SIK2: variants seen among roughly 807,000 people sequenced by gnomAD.
The protein encoded by SIK2 is salt inducible kinase 2, also known as serine/threonine-protein kinase SIK2.
Under a neutral mutation model 103.2 loss-of-function variants are expected in SIK2, and 29 were observed. That is an observed-to-expected ratio of 0.28 (90% CI 0.21 to 0.38). The LOEUF (loss-of-function observed/expected upper bound fraction) is 0.38, where lower values mean the gene tolerates loss of function less well. Ranked by LOEUF, SIK2 falls within the 10% of genes least tolerant of loss-of-function variation. The pLI, the probability that SIK2 is intolerant of heterozygous loss-of-function variation, is 1.00. For synonymous variants in SIK2, 412 were observed against 446.1 expected, an observed-to-expected ratio of 0.92 and a Z score of 0.96; for missense variants, 879 against 1,171.0, an observed-to-expected ratio of 0.75 and a Z score of 3.64.
Position 111,618,985 on chromosome 11 carries a change from G to A in SIK2, c.253-1354G>A, listed in dbSNP as rs144227176. Among the ~76,000 whole-genome samples, 76 of 152,136 alleles carry A rather than the reference G, an allele frequency of 5.0e-4. 1 individual carries two copies. The East Asian group carries it at 0.014, about 28-fold the overall frequency. ...TTCTGGGCTCAAGTGAGCCTCCCAC[G>A]TTGGCCTCTCAAAGTGCTGGGATTA... On this transcript the variant is annotated intron_variant, in intron 2 of 14. Coordinates refer to ENST00000304987, the MANE Select transcript of SIK2 (RefSeq NM_015191.3).
rs1054014638 is a variant in SIK2, at chr11:111,722,513, T to C, written c.2056-152T>C. ...CCAGGCCTGCGGGCCCGATGCTCTT[T>C]CAGGGTCTCAGGGAGTAAATGTCAG... On this transcript the variant is annotated intron_variant, in intron 13 of 14. Coordinates refer to ENST00000304987, the MANE Select transcript of SIK2 (RefSeq NM_015191.3). This position sits in a 1 kb window ranked among gnomAD's most constrained non-coding sequence, Gnocchi z 4.4. The C allele has an allele frequency of 4.9e-5, 35 of 708,032 alleles. No individual in the cohort carries two copies. In the South Asian group the frequency reaches 5.1e-4, roughly 10 times the overall value. 43.9% of individuals were successfully genotyped at this position (708,032 alleles called of 1,614,324 possible). A position where few individuals can be genotyped will look rare whatever the true frequency, so the allele number is the denominator to read the frequency against.
Position 111,723,746 on chromosome 11 carries a change from C to G in SIK2, c.2398C>G (p.Gln800Glu). The change falls in exon 15 of 15, where the codon CAG becomes GAG. Residue 800 changes from glutamine (Q) to glutamate (E), a missense_variant. Coordinates refer to ENST00000304987, the MANE Select transcript of SIK2 (RefSeq NM_015191.3). ...CAGCCAGTACCAAGAGATGCAGCTT[C>G]AGCCCCTGCCCTCCACTTCCGGTCC... ...FLSQYQEMQL[Q>E]PLPSTSGPRA... 1 of 1,614,132 alleles carries G rather than the reference C, an allele frequency of 6.2e-7. No individual in the cohort carries two copies. Among genetic ancestry groups the G allele is most frequent in the South Asian group, 1.1e-5 (1 of 91,080 alleles).
intron 3 of SIK2, among the ~76,000 whole-genome samples, chr11:111,668,891 G>A (rs1048532714): frequency 2.6e-5 from 4 of 152,180 alleles, no homozygotes; most frequent in African/African-American, 4.8e-5. Flanking sequence ...AGAGTTGAAA[G>A]GATTTGTTGA....
intron 3 of SIK2, chr11:111,671,818 C>T: frequency 2.5e-6 from 1 of 402,904 alleles, no homozygotes; most frequent in Non-Finnish European, 4.8e-6. Context: ...ATTCGTTTTC[C>T]TTCTCTGTAT....
intron 1 of SIK2, among the ~76,000 whole-genome samples, chr11:111,603,781 G>C (rs1292460998): frequency 6.6e-6 from 1 of 152,130 alleles, no homozygotes; most frequent in African/African-American, 2.4e-5. Flanking sequence ...TCCTTTTCCT[G>C]TTTGTTTGCC....
intron 1 of SIK2, among the ~76,000 whole-genome samples, chr11:111,608,825 C>T (rs1399256912): frequency 6.6e-6 from 1 of 152,106 alleles, no homozygotes; most frequent in Non-Finnish European, 1.5e-5. Flanking sequence ...CAATGGAATT[C>T]TTGGGTCAAG....
chr11:111,606,080 C>T (rs2135827250), intron 1 of SIK2, among the ~76,000 whole-genome samples: 1 of 152,212 alleles, frequency 6.6e-6, no homozygotes, highest in Non-Finnish European at 1.5e-5. Flanking sequence ...TGCTTGTTTG[C>T]TATTCAGTGA....
At chr11:111,676,215 T>C (rs1025819377) in intron 3 of SIK2, among the ~76,000 whole-genome samples, 11 of 152,238 alleles carry the variant, frequency 7.2e-5, no homozygotes, top group African/African-American at 2.7e-4. Flanking sequence ...TAGTGTGTAA[T>C]GAATATACAC....
chr11:111,634,350 G>A (rs1040916719), intron 3 of SIK2, among the ~76,000 whole-genome samples: 1 of 152,136 alleles, frequency 6.6e-6, no homozygotes, highest in Non-Finnish European at 1.5e-5. Context: ...CAGCCTGAAG[G>A]TAGTACTAGG....
intron 3 of SIK2, among the ~76,000 whole-genome samples, chr11:111,644,268 A>G (rs1000558345): frequency 4.1e-5 from 6 of 147,948 alleles, no homozygotes; most frequent in Non-Finnish European, 1.5e-5. Flanking sequence ...CAGCCTGGCG[A>G]CAGAGCGAGA....
At chr11:111,654,747 C>T (rs544418120) in intron 3 of SIK2, among the ~76,000 whole-genome samples, 1 of 152,308 alleles carries the variant, frequency 6.6e-6, no homozygotes, top group Non-Finnish European at 1.5e-5. Flanking sequence ...GCCTCTTCTC[C>T]TCAGTCTTAA....
intron 3 of SIK2, among the ~76,000 whole-genome samples, chr11:111,673,837 G>A (rs1054015254): frequency 6.6e-6 from 1 of 152,142 alleles, no homozygotes; most frequent in Non-Finnish European, 1.5e-5. Flanking sequence ...CATTTGGGAG[G>A]CCAAGGCAGG....
Position 111,705,290 on chromosome 11 carries a change from GT to G in SIK2, c.1101+155del. On this transcript the variant is annotated intron_variant, in intron 8 of 14. Transcript: ENST00000304987. The surrounding 1 kb of genome is among the most constrained non-coding windows in gnomAD (Gnocchi z 4.3). ...CCTGCCATTCACTAGATTCTCAAAT[GT>G]TTTAGCACTTCCTCATTTTTAAGGG... 2.7e-6 allele frequency: 2 copies of G among 732,638 alleles called. No individual in the cohort carries two copies. The highest frequency in any genetic ancestry group is 3.9e-6 in the Non-Finnish European group (2 of 510,910). The allele number at this position is 732,638 out of a possible 1,614,324, so 45.4% of individuals were successfully genotyped here.
rs1230760091 is a variant in SIK2, at chr11:111,730,123, A to ATAAC, written c.*5995_*5998dup. 2.0e-5 allele frequency: 3 copies of ATAAC among 152,258 alleles called. No individual in the cohort carries two copies. Among genetic ancestry groups the ATAAC allele is most frequent in the Non-Finnish European group, 4.4e-5 (3 of 68,048 alleles). 9.4% of individuals were successfully genotyped at this position (152,258 alleles called of 1,614,324 possible). A position where few individuals can be genotyped will look rare whatever the true frequency, so the allele number is the denominator to read the frequency against. On this transcript the variant is annotated 3_prime_UTR_variant, in exon 15 of 15. Transcript: ENST00000304987. ...TATTACTTTTAGGATTAAAAAAGTA[A>ATAAC]TAACAGACTTTGACTTAATACTCTG...
chr11:111,672,129 C>A, intron 3 of SIK2: 1 of 451,854 alleles, frequency 2.2e-6, no homozygotes, highest in Non-Finnish European at 4.2e-6. Context: ...TACACACGGC[C>A]TGGATGTTGG....
intron 3 of SIK2, among the ~76,000 whole-genome samples, chr11:111,672,720 C>T (rs1025176587): frequency 6.6e-6 from 1 of 152,146 alleles, no homozygotes; most frequent in African/African-American, 2.4e-5. Context: ...GTAGAAACAA[C>T]ACCTTCAAGA....
intron 3 of SIK2, among the ~76,000 whole-genome samples, chr11:111,621,122 T>C (rs944304230): frequency 1.4e-4 from 21 of 152,226 alleles, no homozygotes; most frequent in Admixed American, 6.5e-5. Context: ...TACACGTATT[T>C]AATGCGTACA....
At chr11:111,656,640 T>A (rs1167736291) in intron 3 of SIK2, among the ~76,000 whole-genome samples, 1 of 152,210 alleles carries the variant, frequency 6.6e-6, no homozygotes, top group Non-Finnish European at 1.5e-5. Context: ...TGAACTGCAT[T>A]TCTTAATGTT....
Position 111,727,137 on chromosome 11 carries a change from C to G in SIK2, c.*3008C>G. 1 of 1,279,834 alleles carries G rather than the reference C, an allele frequency of 7.8e-7. No homozygotes were observed. Among genetic ancestry groups the G allele is most frequent in the Middle Eastern group, 2.5e-4 (1 of 4,002 alleles). 79.3% of individuals were successfully genotyped at this position (1,279,834 alleles called of 1,614,324 possible). A position where few individuals can be genotyped will look rare whatever the true frequency, so the allele number is the denominator to read the frequency against. ...TCCCGGTGACACTGACCGTCCCCAG[C>G]TGCCCCCTCGCCACCTCTGCCTGCA... is the stretch of plus-strand genomic sequence containing the variant. On this transcript the variant is annotated 3_prime_UTR_variant, in exon 15 of 15. Coordinates refer to ENST00000304987, the MANE Select transcript of SIK2 (RefSeq NM_015191.3).
Sources: allele counts gnomAD v4.1 joint callset (sites outside exome capture counted in the v4.1 genomes callset), GRCh38; gene constraint gnomAD v4.1.1; non-coding constraint Gnocchi (gnomAD v3.1); transcripts MANE v1.5; gene names NCBI Gene and HGNC (gene_info 2026-07-23, HGNC 2026-07-21).